Variants in TRRAP observed in about 807,000 individuals in gnomAD.
The protein encoded by TRRAP is transformation/transcription domain associated protein.
Under a neutral mutation model 438.8 loss-of-function variants are expected in TRRAP, and 41 were observed. The ratio of observed to expected loss-of-function variants is 0.09; its 90% CI spans 0.07 to 0.12. The LOEUF (loss-of-function observed/expected upper bound fraction) is 0.12. TRRAP is among the 10% of genes least tolerant of loss of function. The pLI, the probability that TRRAP is intolerant of heterozygous loss-of-function variation, is 1.00. For missense variants in TRRAP, 3,122 were observed against 5,055.1 expected (o/e 0.62, Z 11.60); for synonymous variants, 1,994 against 1,962.9 (o/e 1.02, Z -0.42).
At chr7:98,938,503 T>G (rs1790654966) in intron 30 of TRRAP, among the ~76,000 whole-genome samples, 1 of 152,004 alleles carries the variant, frequency 6.6e-6, no homozygotes, top group Non-Finnish European at 1.5e-5. Context: ...TTAGAGATGT[T>G]TTATATATGT....
intron 51 of TRRAP, among the ~76,000 whole-genome samples, chr7:98,968,024 CTT>C (rs3216262): frequency 1.2e-4 from 18 of 147,454 alleles, no homozygotes; most frequent in Non-Finnish European, 1.5e-4. Context: ...TCCCATTGTT[CTT>C]TTTTTTTTTT....
chr7:98,987,721 G>A (rs1302099748), intron 62 of TRRAP, among the ~76,000 whole-genome samples: 1 of 152,194 alleles, frequency 6.6e-6, no homozygotes, highest in African/African-American at 2.4e-5. Context: ...GTACAGTGCT[G>A]AATTAAAGAG....
intron 20 of TRRAP, among the ~76,000 whole-genome samples, chr7:98,920,060 G>A (rs193026281): frequency 1.3e-5 from 2 of 152,304 alleles, no homozygotes; most frequent in Admixed American, 6.5e-5. Context: ...TTGAATCTAC[G>A]GGAACGTAAG....
At chr7:98,990,351 C>T in intron 63 of TRRAP, 104 bp from the exon 64 acceptor site, 1 of 1,210,618 alleles carries the variant, frequency 8.3e-7, no homozygotes, top group Non-Finnish European at 1.1e-6. Flanking sequence ...TTTTACATGG[C>T]CAGTAAAGCC....
chr7:98,961,200 T>C, intron 45 of TRRAP, 61 bp from the exon 46 acceptor site: 1 of 1,562,278 alleles, frequency 6.4e-7, no homozygotes, highest in Non-Finnish European at 8.8e-7. Context: ...CTCTTGTTTC[T>C]AGAATTTGTT....
chr7:98,940,252 G>A lies in TRRAP; in HGVS notation c.4404+2432G>A, dbSNP rs373731807. Among the ~76,000 whole-genome samples, 70 of 151,820 alleles carry A rather than the reference G, an allele frequency of 4.6e-4. 1 individual carries two copies. In the South Asian group the frequency reaches 8.4e-3, roughly 18 times the overall value. ...CACCCAGACTGGAGTACAGTGGCGCGATCTCGGCTCACTGGAACCTCTGCC... is the reference window on the plus strand; with the variant it reads ...CACCCAGACTGGAGTACAGTGGCGCAATCTCGGCTCACTGGAACCTCTGCC... On this transcript the variant is annotated intron_variant, in intron 30 of 72. Transcript: ENST00000456197.
At chr7:98,970,059 C>T (rs1011423962) in intron 51 of TRRAP, 53 bp from the exon 52 acceptor site, 39 of 1,589,864 alleles carry the variant, frequency 2.5e-5, no homozygotes, top group Non-Finnish European at 3.3e-5. Context: ...GTCCAGATGC[C>T]CTGAATGCCA....
chr7:98,963,266 T>A (rs1479308741), intron 47 of TRRAP, among the ~76,000 whole-genome samples: 1 of 152,220 alleles, frequency 6.6e-6, no homozygotes. Flanking sequence ...TAACATGGTG[T>A]CCCTTGCTCT....
chr7:98,927,158 G>A lies in TRRAP; in HGVS notation c.2976-9G>A. 1.9e-6 allele frequency: 3 copies of A among 1,614,196 alleles called. No individual in the cohort carries two copies. The highest frequency in any genetic ancestry group is 3.3e-5 in the Admixed American group (2 of 60,020). ...GTGTCGTGACACCAGATCTGATTTT[G>A]CCTTTCAGCTTTACAGAAAAGACCA... On this transcript the variant is annotated splice_polypyrimidine_tract_variant and intron_variant, in intron 22 of 72. Transcript: ENST00000456197.
intron 27 of TRRAP, among the ~76,000 whole-genome samples, chr7:98,933,678 G>A (rs1223787489): frequency 1.3e-5 from 2 of 152,196 alleles, no homozygotes; most frequent in African/African-American, 4.8e-5. Flanking sequence ...GGGCCTCAAG[G>A]TTGTATTTTA....
At chr7:98,904,222 G>A (rs977780978) in intron 12 of TRRAP, among the ~76,000 whole-genome samples, 2 of 152,118 alleles carry the variant, frequency 1.3e-5, no homozygotes, top group Non-Finnish European at 2.9e-5. Flanking sequence ...GGTGGCTCAC[G>A]TCTGTAATCC....
chr7:98,890,502 C>T (rs1584270961), intron 4 of TRRAP, 57 bp downstream of exon 4: 7 of 1,270,956 alleles, frequency 5.5e-6, no homozygotes, highest in South Asian at 3.2e-5. Flanking sequence ...TGACCAGTTA[C>T]GAATTAACTC....
At chr7:98,943,115 C>G in intron 31 of TRRAP, 98 bp downstream of exon 31, 1 of 1,295,308 alleles carries the variant, frequency 7.7e-7, no homozygotes, top group Non-Finnish European at 1.1e-6. Context: ...GGTCAGAAAC[C>G]TAGTTTGACG....
rs1037456564 is a variant in TRRAP at position 98,954,978 on chromosome 7, C to G, written c.5731-120C>G. The G allele has an allele frequency of 1.4e-5, 14 of 983,022 alleles. No homozygotes were observed. The East Asian group carries it at 3.6e-4, about 25-fold the overall frequency. 60.9% of individuals were successfully genotyped at this position (983,022 alleles called of 1,614,324 possible). A position where few individuals can be genotyped will look rare whatever the true frequency, so the allele number is the denominator to read the frequency against. ...CTAAGTTGTTTCCTAATAAGAAAGT[C>G]CTAAGAAGTTTTTAAAAAATTGTTT... On this transcript the variant is annotated intron_variant, in intron 40 of 72. Coordinates refer to ENST00000456197, the MANE Select transcript of TRRAP (RefSeq NM_001375524.1).
Position 98,949,768 on chromosome 7 carries a change from C to T in TRRAP, c.5062C>T (p.Arg1688Cys), listed in dbSNP as rs782438362. 3.6e-5 allele frequency: 58 copies of T among 1,613,724 alleles called. No homozygotes were observed. The highest frequency in any genetic ancestry group is 4.4e-5 in the Non-Finnish European group (52 of 1,180,048). Residue 1688 changes from arginine to cysteine, a missense_variant, in exon 37 of 73, where the codon CGC becomes TGC. Arg to Cys is a radical substitution (Grantham distance 180). Transcript: ENST00000456197. ...WVSENFQERH[R>C]KENMAATNWK... Reference sequence around the variant, plus strand: ...GAGTGAGAACTTCCAAGAGAGGCACCGCAAGGAGAACATGGCAGCCACCAA... The same window carrying T: ...GAGTGAGAACTTCCAAGAGAGGCACTGCAAGGAGAACATGGCAGCCACCAA...
At chr7:98,933,219 G>A in intron 26 of TRRAP, 22 bp from the exon 27 acceptor site, 1 of 1,599,034 alleles carries the variant, frequency 6.3e-7, no homozygotes, top group Non-Finnish European at 8.5e-7. Context: ...GGTGAGTGGT[G>A]CCTCCTCCTT....
chr7:99,006,422 A>G (rs1794166641), intron 69 of TRRAP, among the ~76,000 whole-genome samples: 1 of 152,238 alleles, frequency 6.6e-6, no homozygotes. Flanking sequence ...TGTATGTTTT[A>G]ACATGTATAT....
chr7:98,926,094 T>G (rs1554411491), intron 22 of TRRAP, among the ~76,000 whole-genome samples: 1 of 152,170 alleles, frequency 6.6e-6, no homozygotes. Context: ...TTTAAGAAGT[T>G]GTCGAATACT....
Position 98,976,508 on chromosome 7 carries a change from T to A in TRRAP, c.7985T>A (p.Phe2662Tyr), listed in dbSNP as rs754473679. 6.2e-7 allele frequency: 1 copy of A among 1,612,050 alleles called. No homozygotes were observed. The highest frequency in any genetic ancestry group is 8.5e-7 in the Non-Finnish European group (1 of 1,180,000). ...QHALAGEISP[F>Y]LCSGSHQVQR... ...GCACTCGCGGGTGAGATAAGTCCAT[T>A]TCTGTGCAGCGGCAGTCACCAGGTG... Residue 2662 changes from phenylalanine to tyrosine, a missense_variant, in exon 55 of 73, where the codon TTT becomes TAT. Phe to Tyr is a conservative substitution (Grantham distance 22, BLOSUM62 3). Coordinates refer to ENST00000456197, the MANE Select transcript of TRRAP (RefSeq NM_001375524.1). The surrounding 1 kb of genome is among the most constrained non-coding windows in gnomAD (Gnocchi z 4.6).
Sources: allele counts gnomAD v4.1 joint callset (sites outside exome capture counted in the v4.1 genomes callset), GRCh38; gene constraint gnomAD v4.1.1; non-coding constraint Gnocchi (gnomAD v3.1); transcripts MANE v1.5; gene names NCBI Gene and HGNC (gene_info 2026-07-23, HGNC 2026-07-21).